The following SGCD variants were observed in gnomAD, a reference collection of about 807,000 sequenced individuals.
The protein encoded by SGCD is delta-sarcoglycan.
SGCD carries 18 observed loss-of-function variants against 36.6 expected under a neutral mutation model. The ratio of observed to expected loss-of-function variants is 0.49; its 90% confidence interval spans 0.34 to 0.73. SGCD has a LOEUF of 0.73. SGCD is among the 30% of genes least tolerant of loss of function. The pLI, the probability that SGCD is intolerant of heterozygous loss-of-function variation, is 0.01. For synonymous variants in SGCD, 133 were observed against 130.6 expected (o/e 1.02, Z -0.12); for missense variants, 387 against 346.7 (o/e 1.12, Z -0.92).
At chr5:156,342,591 G>A (rs1020807171) in intron 2 of SGCD, among the ~76,000 whole-genome samples, 3 of 151,888 alleles carry the variant, frequency 2.0e-5, no homozygotes, top group East Asian at 1.9e-4. Flanking sequence ...GTTTAAAAAG[G>A]CCAGTGATTG....
At chr5:156,406,941 G>T (rs1434740978) in intron 3 of SGCD, among the ~76,000 whole-genome samples, 1 of 151,528 alleles carries the variant, frequency 6.6e-6, no homozygotes, top group African/African-American at 2.4e-5. Flanking sequence ...AGGAGAGCCA[G>T]TCCTAGTCTC....
chr5:155,806,264 C>T, the SGCD span, among the ~76,000 whole-genome samples: 1 of 152,192 alleles, frequency 6.6e-6, no homozygotes, highest in Non-Finnish European at 1.5e-5. Context: ...AAGCGATTCT[C>T]CTGCCTTAGC....
intron 6 of SGCD, among the ~76,000 whole-genome samples, chr5:156,605,738 A>G (rs1015832791): frequency 2.0e-5 from 3 of 152,190 alleles, no homozygotes; most frequent in Non-Finnish European, 2.9e-5. Context: ...AATGACCACC[A>G]TTCTAACTTG....
At chr5:156,619,451 T>G (rs747457256) in intron 6 of SGCD, among the ~76,000 whole-genome samples, 1 of 152,222 alleles carries the variant, frequency 6.6e-6, no homozygotes, top group South Asian at 2.1e-4. Context: ...TGTTGGCCTG[T>G]TTTTATTGTC....
chr5:156,338,732 T>G (rs1199651203), intron 2 of SGCD, among the ~76,000 whole-genome samples: 1 of 152,154 alleles, frequency 6.6e-6, no homozygotes, highest in African/African-American at 2.4e-5. Flanking sequence ...GTTAGCAGGC[T>G]TCTCAGACTG....
intron 3 of SGCD, among the ~76,000 whole-genome samples, chr5:156,441,697 A>T (rs904372855): frequency 6.6e-6 from 1 of 152,110 alleles, no homozygotes; most frequent in Non-Finnish European, 1.5e-5. Context: ...TTATAATGAG[A>T]CGTCTATTGG....
the SGCD span, among the ~76,000 whole-genome samples, chr5:155,766,958 T>C: frequency 6.6e-6 from 1 of 152,012 alleles, no homozygotes; most frequent in Non-Finnish European, 1.5e-5. Context: ...CCAACCATGC[T>C]CTCCCAGGCT....
In SGCD at chr5:156,289,739, TA is replaced by T. The variant is rs573953187; in HGVS notation, c.-43-39793del. Among the ~76,000 whole-genome samples, 9 of 152,228 alleles carry T rather than the reference TA, an allele frequency of 5.9e-5. No homozygotes were observed. The South Asian group carries it at 1.9e-3, about 32-fold the overall frequency. On this transcript the variant is annotated intron_variant, in intron 3 of 9. Coordinates refer to the SGCD transcript ENST00000517913. ...AGCTTTTGTTGCTCAGGCTAGTCGC[TA>T]ACCCCTCGCTTCAAGCAATCCGCCC...
intron 7 of SGCD, among the ~76,000 whole-genome samples, chr5:156,701,842 G>T (rs553386881): frequency 6.6e-6 from 1 of 152,266 alleles, no homozygotes; most frequent in South Asian, 2.1e-4. Flanking sequence ...AAAGCTAAAA[G>T]TGATAGCATC....
chr5:155,936,544 A>G (rs1366388321), intron 1 of SGCD, among the ~76,000 whole-genome samples: 1 of 152,098 alleles, frequency 6.6e-6, no homozygotes, highest in Non-Finnish European at 1.5e-5. Context: ...TGAGTGCTCA[A>G]GTCTGGCTAG....
the SGCD span, among the ~76,000 whole-genome samples, chr5:155,780,871 G>A: frequency 3.0e-3 from 464 of 152,238 alleles, 1 homozygote; most frequent in African/African-American, 0.011. Context: ...ATGATATAGC[G>A]AGTCTGACAT....
chr5:155,830,324 C>T, the SGCD span, among the ~76,000 whole-genome samples: 4 of 145,768 alleles, frequency 2.7e-5, no homozygotes, highest in Non-Finnish European at 4.5e-5. Context: ...GGTCTTTCTC[C>T]GTGTGTATAC....
At chr5:156,287,071 A>G (rs973811907) in intron 3 of SGCD, among the ~76,000 whole-genome samples, 1 of 152,186 alleles carries the variant, frequency 6.6e-6, no homozygotes, top group Non-Finnish European at 1.5e-5. Context: ...AGGGTAAACA[A>G]ATAGCACACT....
intron 3 of SGCD, among the ~76,000 whole-genome samples, chr5:156,232,821 G>T (rs954911192): frequency 1.3e-4 from 20 of 152,232 alleles, no homozygotes; most frequent in African/African-American, 4.3e-4. Context: ...ATAGTCTAGA[G>T]TTCCTGCTGT....
intron 4 of SGCD, among the ~76,000 whole-genome samples, chr5:156,565,853 A>G (rs529721821): frequency 2.6e-5 from 4 of 152,304 alleles, no homozygotes; most frequent in South Asian, 4.1e-4. Flanking sequence ...AGCTTCATCA[A>G]TGTCCCTGCA....
At chr5:156,174,683 G>A (rs1034863041) in intron 3 of SGCD, among the ~76,000 whole-genome samples, 10 of 151,898 alleles carry the variant, frequency 6.6e-5, no homozygotes, top group African/African-American at 2.2e-4. Context: ...TAAAGTGAGG[G>A]CAATGAGAAT....
At chr5:156,314,686 GA>G (rs1238432788) in intron 3 of SGCD, among the ~76,000 whole-genome samples, 4 of 152,024 alleles carry the variant, frequency 2.6e-5, no homozygotes, top group African/African-American at 9.7e-5. Context: ...CAAGTAGTAT[GA>G]AAGGAAAATC....
At chr5:156,575,767 TTAAA>T (rs1366074058) in intron 4 of SGCD, among the ~76,000 whole-genome samples, 1 of 152,120 alleles carries the variant, frequency 6.6e-6, no homozygotes, top group Non-Finnish European at 1.5e-5. Context: ...AAAAATATGA[TTAAA>T]TAAATTTTGG....
At chr5:156,420,158 C>T (rs1000842324) in intron 3 of SGCD, among the ~76,000 whole-genome samples, 4 of 152,152 alleles carry the variant, frequency 2.6e-5, no homozygotes, top group Non-Finnish European at 5.9e-5. Context: ...TTTCCCTCTT[C>T]ATAACACCTG....
Sources: gnomAD v4.1 joint callset for allele counts (sites outside exome capture counted in the v4.1 genomes callset) on GRCh38, gnomAD v4.1.1 for gene constraint, MANE v1.5 for transcripts, NCBI Gene and HGNC (gene_info 2026-07-23, HGNC 2026-07-21) for gene names.